ZFHX3: variants seen among roughly 807,000 people sequenced by gnomAD.
ZFHX3 encodes zinc finger homeobox 3, also known as zinc finger homeobox protein 3.
In ZFHX3, 42 loss-of-function variants were observed where a neutral mutation model predicts 279.1. The observed-to-expected ratio is 0.15, with a 90% confidence interval of 0.12 to 0.19. ZFHX3 has a LOEUF of 0.19. ZFHX3 is among the 10% of genes least tolerant of loss of function. The pLI is 1.00. For synonymous variants in ZFHX3, 2,293 were observed against 1,957.8 expected (o/e 1.17, Z -4.52); for missense variants, 4,981 against 4,754.0 (o/e 1.05, Z -1.40).
chr16:73,552,697 G>A (rs1232052783), intron 2 of ZFHX3, among the ~76,000 whole-genome samples: 1 of 151,094 alleles, frequency 6.6e-6, no homozygotes, highest in African/African-American at 2.5e-5. Flanking sequence ...GGACATGAGT[G>A]TAAATGAGGG....
intron 2 of ZFHX3, among the ~76,000 whole-genome samples, chr16:73,665,766 T>C (rs1353815470): frequency 1.3e-5 from 2 of 151,814 alleles, no homozygotes; most frequent in Non-Finnish European, 2.9e-5. Flanking sequence ...AAATGATTTT[T>C]TACTGTACCA....
At chr16:73,317,423 T>A (rs2015477162) in intron 4 of ZFHX3, among the ~76,000 whole-genome samples, 1 of 152,224 alleles carries the variant, frequency 6.6e-6, no homozygotes, top group Admixed American at 6.5e-5. Flanking sequence ...AGTTTATTTA[T>A]TGTGGCTATT....
intron 5 of ZFHX3, among the ~76,000 whole-genome samples, chr16:73,226,555 C>T (rs545287924): frequency 1.8e-4 from 27 of 152,356 alleles, no homozygotes; most frequent in African/African-American, 6.5e-4. Context: ...CGGCCTTGGC[C>T]TGTCTCATGG....
intron 4 of ZFHX3, among the ~76,000 whole-genome samples, chr16:73,266,288 G>C (rs922500164): frequency 1.3e-5 from 2 of 152,160 alleles, no homozygotes; most frequent in African/African-American, 2.4e-5. Context: ...GGTGGGTATG[G>C]AATGTTACTG....
rs759375904 is a variant in ZFHX3 at position 72,959,698 on chromosome 16, G to C, written c.448C>G (p.Leu150Val). Residue 150 changes from leucine (L) to valine (V), a missense_variant, in exon 2 of 10, where the codon CTG becomes GTG. Transcript: ENST00000268489. ...CCACAGGCGCCCCCGCCCTGGGTCAGCTGGCTCAGGCTCTCCACAATGTAC... is the reference window on the plus strand; with the variant it reads ...CCACAGGCGCCCCCGCCCTGGGTCACCTGGCTCAGGCTCTCCACAATGTAC... ...SAYIVESLSQ[L>V]TQGGGACGSG... 9.3e-6 allele frequency: 15 copies of C among 1,613,932 alleles called. No individual in the cohort carries two copies. Among genetic ancestry groups the C allele is most frequent in the Non-Finnish European group, 1.3e-5 (15 of 1,179,998 alleles).
At chr16:73,616,199 G>A (rs1356105779) in intron 2 of ZFHX3, among the ~76,000 whole-genome samples, 2 of 151,420 alleles carry the variant, frequency 1.3e-5, no homozygotes, top group Non-Finnish European at 2.9e-5. Context: ...ATGTCAGAGA[G>A]GTCAGAGAAG....
intron 5 of ZFHX3, among the ~76,000 whole-genome samples, chr16:73,168,223 C>CTT (rs1337121061): frequency 7.7e-6 from 1 of 129,732 alleles, no homozygotes; most frequent in African/African-American, 3.0e-5. Context: ...TTCTTTCTTT[C>CTT]TTTCTTTCTT....
chr16:73,038,195 A>AGTCCAC (rs954785405), intron 1 of ZFHX3, among the ~76,000 whole-genome samples: 13 of 151,966 alleles, frequency 8.6e-5, no homozygotes, highest in African/African-American at 2.7e-4. Context: ...GTGGTGCGAG[A>AGTCCAC]GTCCACGGGG....
intron 1 of ZFHX3, among the ~76,000 whole-genome samples, chr16:73,748,746 T>C (rs2053727916): frequency 6.6e-6 from 1 of 152,226 alleles, no homozygotes; most frequent in Non-Finnish European, 1.5e-5. Flanking sequence ...CTTTGCCTAG[T>C]ATAAATGGCA....
chr16:73,477,228 A>G (rs374216583), intron 2 of ZFHX3, among the ~76,000 whole-genome samples: 2 of 152,324 alleles, frequency 1.3e-5, no homozygotes, highest in East Asian at 3.9e-4. Context: ...TTAAATGCTG[A>G]TATTCTGTTA....
chr16:73,453,723 G>A (rs1431562493), intron 3 of ZFHX3, among the ~76,000 whole-genome samples: 1 of 152,218 alleles, frequency 6.6e-6, no homozygotes, highest in Non-Finnish European at 1.5e-5. Flanking sequence ...GAGGTTTCAT[G>A]GACTCACAGT....
intron 1 of ZFHX3, among the ~76,000 whole-genome samples, chr16:73,882,681 C>T (rs551146194): frequency 3.3e-5 from 5 of 152,062 alleles, no homozygotes; most frequent in South Asian, 2.1e-4. Context: ...ACATCAACCA[C>T]GATTGAATGA....
chr16:73,776,645 A>T (rs1003432201), intron 1 of ZFHX3, among the ~76,000 whole-genome samples: 1 of 152,146 alleles, frequency 6.6e-6, no homozygotes, highest in Non-Finnish European at 1.5e-5. Flanking sequence ...TCACACTAAG[A>T]CCAGGGGGAT....
rs1231848994 is a variant in ZFHX3, at chr16:72,958,905, G to A, written c.1241C>T (p.Pro414Leu). ...AGGCCCCAGGGGGACTGAGGTAATG[G>A]GGGTCTTCAGTACCGAGCTGGTGAG... is the stretch of plus-strand genomic sequence containing the variant. Reference protein sequence around the residue: ...GGLTSSVLKTPITSVPLGPLA... With the variant: ...GGLTSSVLKTLITSVPLGPLA... Residue 414 changes from proline (P) to leucine (L), a missense_variant, in exon 2 of 10, where the codon CCC becomes CTC. By Grantham distance (98) the Pro-to-Leu change is moderately conservative. Transcript: ENST00000268489. 4 of 1,607,042 alleles carry A rather than the reference G, an allele frequency of 2.5e-6. No homozygotes were observed. The highest frequency in any genetic ancestry group is 2.6e-6 in the Non-Finnish European group (3 of 1,176,432).
At chr16:73,509,758 T>C (rs825833) in intron 2 of ZFHX3, among the ~76,000 whole-genome samples, 117,456 of 139,384 alleles carry the variant, frequency 0.84, 49,003 homozygotes, top group East Asian at 0.95. Context: ...TGCAGTGGCG[T>C]GATCTCGGCT....
upstream of ZFHX3, among the ~76,000 whole-genome samples, chr16:73,052,142 A>G (rs1379630985): frequency 6.6e-6 from 1 of 152,072 alleles, no homozygotes; most frequent in African/African-American, 2.4e-5. Flanking sequence ...TTGGAAGGAG[A>G]AGAAAGGAAA....
At chr16:73,316,728 C>T (rs12931107) in intron 4 of ZFHX3, among the ~76,000 whole-genome samples, 1,944 of 152,284 alleles carry the variant, frequency 0.013, 21 homozygotes, top group Non-Finnish European at 0.021. Flanking sequence ...CCTACCTATA[C>T]TTCCAAACGG....
intron 4 of ZFHX3, among the ~76,000 whole-genome samples, chr16:73,311,960 T>C (rs1351399192): frequency 6.6e-6 from 1 of 152,136 alleles, no homozygotes; most frequent in African/African-American, 2.4e-5. Flanking sequence ...AAGAGTGATC[T>C]AAACTTAGGA....
At chr16:73,257,017 A>C (rs1173197839) in intron 5 of ZFHX3, 2 of 152,210 alleles carry the variant, frequency 1.3e-5, no homozygotes, top group Admixed American at 1.3e-4. Context: ...AACACTAGAA[A>C]AAATGAATTC....
Sources: allele counts gnomAD v4.1 joint callset (sites outside exome capture counted in the v4.1 genomes callset), GRCh38; gene constraint gnomAD v4.1.1; transcripts MANE v1.5; gene names NCBI Gene and HGNC (gene_info 2026-07-23, HGNC 2026-07-21).